FHIT: variants seen among roughly 807,000 people sequenced by gnomAD.
FHIT encodes the protein fragile histidine triad diadenosine triphosphatase.
In FHIT, 19 loss-of-function variants were observed where a neutral mutation model predicts 17.9. The ratio of observed to expected loss-of-function variants is 1.06; its 90% CI spans 0.74 to 1.56. FHIT has a LOEUF of 1.56. FHIT is among the 40% of genes most tolerant of loss of function. The probability of loss-of-function intolerance (pLI) is 0.00; values close to 1 mark genes in which losing one functional copy is unlikely to be tolerated. For synonymous variants in FHIT, 81 were observed against 69.7 expected (o/e 1.16, Z -0.81); for missense variants, 248 against 189.2 (o/e 1.31, Z -1.82).
rs866400131 is a variant in FHIT, at chr3:60,206,144, A to T, written c.104-191992T>A. On this transcript the variant is annotated intron_variant, in intron 5 of 9. Coordinates refer to ENST00000492590, the MANE Select transcript of FHIT (RefSeq NM_002012.4). The stretch of plus-strand genomic sequence containing the variant: ...CGAGACTCCGTCTCAAAAAAAAAAA[A>T]AAATAAATAATAATAATAATAATAA... Among the ~76,000 whole-genome samples the T allele has an allele frequency of 5.2e-3, 700 of 134,792 alleles. 9 individuals are homozygous for T. The highest frequency in any genetic ancestry group is 0.016 in the African/African-American group (550 of 33,746). 88.4% of individuals were successfully genotyped at this position (134,792 alleles called of 152,430 possible). A position where few individuals can be genotyped will look rare whatever the true frequency, so the allele number is the denominator to read the frequency against.
chr3:59,756,221 A>G (rs1209633702), intron 8 of FHIT, among the ~76,000 whole-genome samples: 1 of 152,120 alleles, frequency 6.6e-6, no homozygotes, highest in Non-Finnish European at 1.5e-5. Flanking sequence ...CTAACTAACT[A>G]CTTTGTAGAA....
chr3:60,545,859 A>AAT lies in FHIT; in HGVS notation c.-17-8882_-17-8881dup, dbSNP rs2036342717. ...ACATGAGACATCAAATTGTTATCCA[A>AAT]ATCTCTCTTTGTCTCATTGCTTCAT... On this transcript the variant is annotated intron_variant, in intron 4 of 9. Coordinates refer to ENST00000492590, the MANE Select transcript of FHIT (RefSeq NM_002012.4). 1.9e-4 allele frequency among the ~76,000 whole-genome samples: 3 copies of AAT among 15,568 alleles called. No homozygotes were observed. In the South Asian group the frequency reaches 0.021, roughly 107 times the overall value. 10.2% of individuals were successfully genotyped at this position (15,568 alleles called of 152,430 possible).
intron 3 of FHIT, among the ~76,000 whole-genome samples, chr3:60,914,495 G>A (rs2107285324): frequency 6.7e-6 from 1 of 149,324 alleles, no homozygotes; most frequent in South Asian, 2.1e-4. Flanking sequence ...ACTTGCATAG[G>A]AAAATGAGTA....
chr3:61,177,138 C>A (rs1560043211), intron 2 of FHIT, among the ~76,000 whole-genome samples: 1 of 150,674 alleles, frequency 6.6e-6, no homozygotes, highest in Non-Finnish European at 1.5e-5. Flanking sequence ...GATTGCACCC[C>A]TGCACTTCAG....
chr3:60,617,630 A>T (rs2038991339), intron 4 of FHIT: 1 of 153,168 alleles, frequency 6.5e-6, no homozygotes, highest in South Asian at 2.1e-4. Flanking sequence ...AAAATCCTAG[A>T]CCTTTCCAAT....
intron 5 of FHIT, among the ~76,000 whole-genome samples, chr3:60,239,031 TA>T (rs1255053173): frequency 2.0e-5 from 3 of 152,190 alleles, no homozygotes; most frequent in Non-Finnish European, 4.4e-5. Context: ...AGAATGTATA[TA>T]CTTAGCCCAG....
At position 60,269,033 on chromosome 3, in the gene FHIT, C is replaced by A. The variant is rs546118280; in HGVS notation, c.104-254881G>T. On this transcript the variant is annotated intron_variant, in intron 5 of 9. Coordinates refer to ENST00000492590, the MANE Select transcript of FHIT (RefSeq NM_002012.4). ...TCTCTACTAGAGCTTCCAGAGGAAA[C>A]ACAGCCCTGCTGACATCTTGATTTT... Among the ~76,000 whole-genome samples the A allele has an allele frequency of 3.4e-4, 52 of 152,308 alleles. 2 individuals carry two copies. In the South Asian group the frequency reaches 0.011, roughly 31 times the overall value.
chr3:59,789,249 G>A (rs1043522739), intron 8 of FHIT, among the ~76,000 whole-genome samples: 7 of 152,094 alleles, frequency 4.6e-5, no homozygotes, highest in Non-Finnish European at 8.8e-5. Context: ...TTAAAATATT[G>A]ACTATCTATG....
At chr3:60,774,457 C>T (rs557196265) in intron 4 of FHIT, among the ~76,000 whole-genome samples, 2 of 152,096 alleles carry the variant, frequency 1.3e-5, no homozygotes, top group African/African-American at 2.4e-5. Flanking sequence ...CCTGCCACCA[C>T]GCCTGGCTAA....
intron 4 of FHIT, among the ~76,000 whole-genome samples, chr3:60,607,426 G>A (rs781879643): frequency 1.3e-5 from 2 of 151,186 alleles, no homozygotes; most frequent in Non-Finnish European, 2.9e-5. Flanking sequence ...AGGATGATAA[G>A]GATTTATATT....
chr3:60,967,622 A>T (rs950663486), intron 3 of FHIT, among the ~76,000 whole-genome samples: 1 of 152,162 alleles, frequency 6.6e-6, no homozygotes, highest in Non-Finnish European at 1.5e-5. Flanking sequence ...TGCTTATGCA[A>T]TGTTTAAGTT....
chr3:60,789,516 C>G (rs1312452774), intron 4 of FHIT, among the ~76,000 whole-genome samples: 1 of 152,022 alleles, frequency 6.6e-6, no homozygotes, highest in Non-Finnish European at 1.5e-5. Context: ...GACTCCATCT[C>G]AAACAAACAA....
chr3:60,599,121 C>T (rs1285682695), intron 4 of FHIT, among the ~76,000 whole-genome samples: 1 of 152,160 alleles, frequency 6.6e-6, no homozygotes, highest in Non-Finnish European at 1.5e-5. Flanking sequence ...CTACCAAAAA[C>T]TTGATCCCGC....
chr3:60,782,237 G>GTGTGTGTATATATATATA (rs1553725880), intron 4 of FHIT, among the ~76,000 whole-genome samples: 37 of 95,588 alleles, frequency 3.9e-4, no homozygotes, highest in African/African-American at 1.3e-3. Flanking sequence ...GTGTGTGTGT[G>GTGTGTGTATATATATATA]TATATATATA....
At chr3:60,625,493 G>A (rs1459709735) in intron 4 of FHIT, among the ~76,000 whole-genome samples, 1 of 152,004 alleles carries the variant, frequency 6.6e-6, no homozygotes, top group Non-Finnish European at 1.5e-5. Context: ...GTTTTGATTT[G>A]TATTTTCTTG....
At chr3:60,399,877 G>A (rs182055669) in intron 5 of FHIT, among the ~76,000 whole-genome samples, 1 of 152,246 alleles carries the variant, frequency 6.6e-6, no homozygotes, top group Admixed American at 6.5e-5. Flanking sequence ...TGTCCATAGT[G>A]CCACCTATTA....
intron 5 of FHIT, among the ~76,000 whole-genome samples, chr3:60,180,017 T>TA (rs1701855712): frequency 6.6e-6 from 1 of 152,160 alleles, no homozygotes; most frequent in Non-Finnish European, 1.5e-5. Flanking sequence ...GTAATATATT[T>TA]ATGTAATGTA....
intron 5 of FHIT, among the ~76,000 whole-genome samples, chr3:60,123,797 A>T (rs891261315): frequency 6.6e-6 from 1 of 151,270 alleles, no homozygotes. Context: ...AAAATAATTT[A>T]TAATCTATCA....
At chr3:60,207,384 T>C (rs1703245967) in intron 5 of FHIT, among the ~76,000 whole-genome samples, 2 of 152,110 alleles carry the variant, frequency 1.3e-5, no homozygotes, top group South Asian at 4.1e-4. Flanking sequence ...TTTCCTTCCT[T>C]TCAATAATGG....
Sources: gnomAD v4.1 joint callset for allele counts (sites outside exome capture counted in the v4.1 genomes callset) on GRCh38, gnomAD v4.1.1 for gene constraint, MANE v1.5 for transcripts, NCBI Gene and HGNC (gene_info 2026-07-23, HGNC 2026-07-21) for gene names.